BRIP1: variants seen among roughly 807,000 people sequenced by gnomAD.
BRIP1 encodes the protein Fanconi anemia group J protein.
BRIP1 carries 88 observed loss-of-function variants against 119.7 expected under a neutral mutation model. The observed-to-expected ratio is 0.74, with a 90% CI of 0.62 to 0.88. The LOEUF is 0.88. Ranked by LOEUF, BRIP1 falls within the 40% of genes least tolerant of loss-of-function variation. The pLI, the probability that BRIP1 is intolerant of heterozygous loss-of-function variation, is 0.00. For missense variants in BRIP1, 1,259 were observed against 1,455.4 expected (o/e 0.87, Z 2.20); for synonymous variants, 443 against 496.5 (o/e 0.89, Z 1.43).
chr17:61,704,406 G>A lies in BRIP1; in HGVS notation c.2493-10894C>T, dbSNP rs1371710162. On this transcript the variant is annotated intron_variant, in intron 17 of 19. Transcript: ENST00000259008. This position sits in a 1 kb window ranked among gnomAD's most constrained non-coding sequence, Gnocchi z 5.7. The stretch of plus-strand genomic sequence containing the variant: ...AATATTTGCTAGTGAACACAGCTGG[G>A]TGAATTTTTTAGAAGGCTTTTAACT... Among the ~76,000 whole-genome samples the A allele has an allele frequency of 6.6e-6, 1 of 152,082 alleles. No individual in the cohort carries two copies. Among genetic ancestry groups the A allele is most frequent in the Admixed American group, 6.6e-5 (1 of 15,262 alleles).
chr17:61,716,830 G>GTAAATAATAT (rs2061882819), intron 16 of BRIP1, among the ~76,000 whole-genome samples: 3 of 151,154 alleles, frequency 2.0e-5, no homozygotes, highest in African/African-American at 2.4e-5. Context: ...TTCCACTACT[G>GTAAATAATAT]GATTATTAGC....
In BRIP1 at chr17:61,682,895, AGGCAGAGAAG is replaced by A; in HGVS notation, c.*391_*400del. On this transcript the variant is annotated 3_prime_UTR_variant, in exon 20 of 20. Coordinates refer to ENST00000259008, the MANE Select transcript of BRIP1 (RefSeq NM_032043.3). This position sits in a 1 kb window ranked among gnomAD's most constrained non-coding sequence, Gnocchi z 4.9. ...CACCTGTAATCCCAGCAACTTAGGG[AGGCAGAGAAG>A]GGCAGATCACGAGGCCAGGAGTTCG... 1 of 215,614 alleles carries A rather than the reference AGGCAGAGAAG, an allele frequency of 4.6e-6. No individual in the cohort carries two copies. Among genetic ancestry groups the A allele is most frequent in the Non-Finnish European group, 9.4e-6 (1 of 106,862 alleles). 13.4% of individuals were successfully genotyped at this position (215,614 alleles called of 1,614,324 possible).
intron 17 of BRIP1, among the ~76,000 whole-genome samples, chr17:61,696,430 A>G (rs144731270): frequency 9.9e-5 from 15 of 152,060 alleles, no homozygotes; most frequent in African/African-American, 3.4e-4. Context: ...CTCGTAATGT[A>G]TTTTACTTGT....
intron 10 of BRIP1, among the ~76,000 whole-genome samples, chr17:61,788,208 A>G (rs1026390307): frequency 3.9e-5 from 6 of 152,188 alleles, no homozygotes; most frequent in Non-Finnish European, 8.8e-5. Context: ...ACAATTAAAA[A>G]TGTAATTTTA....
At chr17:61,711,964 A>G (rs1276222093) in intron 17 of BRIP1, among the ~76,000 whole-genome samples, 2 of 152,122 alleles carry the variant, frequency 1.3e-5, no homozygotes, top group African/African-American at 4.8e-5. Context: ...TAGTTGTTGT[A>G]GTCTTATGTC....
At position 61,759,581 on chromosome 17, in the gene BRIP1, G is replaced by T. The variant is rs1329857673; in HGVS notation, c.2098-14990C>A. 6.6e-6 allele frequency among the ~76,000 whole-genome samples: 1 copy of T among 151,842 alleles called. No homozygotes were observed. The highest frequency in any genetic ancestry group is 1.5e-5 in the Non-Finnish European group (1 of 67,920). ...AATTTAGACCAAATGGACCTAACAG[G>T]CATTTACAGGCATACCTTGGAGATA... On this transcript the variant is annotated intron_variant, in intron 14 of 19. Transcript: ENST00000259008. The surrounding 1 kb of genome is among the most constrained non-coding windows in gnomAD (Gnocchi z 4.9).
intron 14 of BRIP1, among the ~76,000 whole-genome samples, chr17:61,763,318 G>T (rs2077304850): frequency 6.6e-6 from 1 of 152,100 alleles, no homozygotes; most frequent in African/African-American, 2.4e-5. Context: ...GGGGAAGGTT[G>T]TGCATGTGTC....
At chr17:61,849,293 CTT>C in intron 4 of BRIP1, 37 bp from the exon 5 acceptor site, 1 of 1,579,504 alleles carries the variant, frequency 6.3e-7, no homozygotes, top group Non-Finnish European at 8.6e-7. Context: ...GCATAAATAA[CTT>C]ACAGGTAGGC....
rs1371033435 is a variant in BRIP1 at position 61,789,500 on chromosome 17, A to C, written c.1473+4097T>G. On this transcript the variant is annotated intron_variant, in intron 10 of 19. Coordinates refer to ENST00000259008, the MANE Select transcript of BRIP1 (RefSeq NM_032043.3). This position sits in a 1 kb window ranked among gnomAD's most constrained non-coding sequence, Gnocchi z 4.8. ...TAAATCCCATCCTTTATAAACAATA[A>C]ATACCTTAAAATTTTTAGGAGAAAT... Among the ~76,000 whole-genome samples, 1 of 152,134 alleles carries C rather than the reference A, an allele frequency of 6.6e-6. No homozygotes were observed. The highest frequency in any genetic ancestry group is 1.5e-5 in the Non-Finnish European group (1 of 68,018).
chr17:61,718,870 T>C (rs2061924831), intron 16 of BRIP1, among the ~76,000 whole-genome samples: 1 of 152,220 alleles, frequency 6.6e-6, no homozygotes, highest in Non-Finnish European at 1.5e-5. Flanking sequence ...AGTATTTGCA[T>C]AACCTATGCA....
intron 6 of BRIP1, among the ~76,000 whole-genome samples, chr17:61,826,363 A>G (rs1189353982): frequency 1.3e-5 from 2 of 152,220 alleles, no homozygotes; most frequent in Non-Finnish European, 2.9e-5. Context: ...AGACAACAGA[A>G]GCAATTGCAA....
At chr17:61,836,685 A>G (rs1490323898) in intron 6 of BRIP1, among the ~76,000 whole-genome samples, 1 of 152,244 alleles carries the variant, frequency 6.6e-6, no homozygotes, top group African/African-American at 2.4e-5. Context: ...TAATGAGACA[A>G]ACAAAACAAA....
chr17:61,741,147 G>T (rs2076981717), intron 16 of BRIP1, among the ~76,000 whole-genome samples: 1 of 152,146 alleles, frequency 6.6e-6, no homozygotes, highest in African/African-American at 2.4e-5. Context: ...CCTATCTCAA[G>T]AAACCACTTT....
chr17:61,816,710 C>T lies in BRIP1; in HGVS notation c.628-7953G>A, dbSNP rs147386162. ...AGTCTCAAAGCAGTGATGAGTCACACCGATCAACTTCATGAGAAAAACCCA... is the reference window on the plus strand; with the variant it reads ...AGTCTCAAAGCAGTGATGAGTCACATCGATCAACTTCATGAGAAAAACCCA... On this transcript the variant is annotated intron_variant, in intron 6 of 19. Coordinates refer to ENST00000259008, the MANE Select transcript of BRIP1 (RefSeq NM_032043.3). The surrounding 1 kb of genome is among the most constrained non-coding windows in gnomAD (Gnocchi z 5.0). 9.7e-4 allele frequency among the ~76,000 whole-genome samples: 147 copies of T among 151,840 alleles called. 2 individuals are homozygous for T. The East Asian group carries it at 0.022, about 23-fold the overall frequency.
At position 61,856,499 on chromosome 17, in the gene BRIP1, G is replaced by A. The variant is rs1423293418; in HGVS notation, c.379+559C>T. Among the ~76,000 whole-genome samples the A allele has an allele frequency of 6.6e-6, 1 of 152,074 alleles. No homozygotes were observed. Among genetic ancestry groups the A allele is most frequent in the Non-Finnish European group, 1.5e-5 (1 of 68,002 alleles). ...TCCAGGATGTTCCCTAGGTTTCTTA[G>A]GTAAATAATAGTCTATCCTTTCTAT... is the stretch of plus-strand genomic sequence containing the variant. On this transcript the variant is annotated intron_variant, in intron 4 of 19. Coordinates refer to ENST00000259008, the MANE Select transcript of BRIP1 (RefSeq NM_032043.3). This position sits in a 1 kb window ranked among gnomAD's most constrained non-coding sequence, Gnocchi z 5.1.
In BRIP1 at chr17:61,823,571, CT is replaced by C. The variant is rs2078358018; in HGVS notation, c.628-14815del. 6.6e-6 allele frequency among the ~76,000 whole-genome samples: 1 copy of C among 151,914 alleles called. No individual in the cohort carries two copies. Among genetic ancestry groups the C allele is most frequent in the African/African-American group, 2.4e-5 (1 of 41,358 alleles). ...ATGAAGCACAAAGAAGAAAAAATAG[CT>C]TAAAAAATGAACATATAGTCAGTGA... On this transcript the variant is annotated intron_variant, in intron 6 of 19. Coordinates refer to ENST00000259008, the MANE Select transcript of BRIP1 (RefSeq NM_032043.3). The surrounding 1 kb of genome is among the most constrained non-coding windows in gnomAD (Gnocchi z 4.8).
At chr17:61,712,458 C>A (rs186821845) in intron 17 of BRIP1, among the ~76,000 whole-genome samples, 1 of 152,066 alleles carries the variant, frequency 6.6e-6, no homozygotes, top group Admixed American at 6.5e-5. Flanking sequence ...AGGTGATCCA[C>A]CCGCCTCCAC....
chr17:61,852,713 T>G lies in BRIP1; in HGVS notation c.380-3457A>C, dbSNP rs2145793953. On this transcript the variant is annotated intron_variant, in intron 4 of 19. Coordinates refer to ENST00000259008, the MANE Select transcript of BRIP1 (RefSeq NM_032043.3). This position sits in a 1 kb window ranked among gnomAD's most constrained non-coding sequence, Gnocchi z 4.9. ...ATGGCAAACAACTTGATTAGGCAATTCACTAAAGAGGGTATCCAAATGACC... is the reference window on the plus strand; with the variant it reads ...ATGGCAAACAACTTGATTAGGCAATGCACTAAAGAGGGTATCCAAATGACC... Among the ~76,000 whole-genome samples, 1 of 152,164 alleles carries G rather than the reference T, an allele frequency of 6.6e-6. No homozygotes were observed. Among genetic ancestry groups the G allele is most frequent in the East Asian group, 1.9e-4 (1 of 5,188 alleles).
rs1298096237 is a variant in BRIP1, at chr17:61,809,343, A to C, written c.628-586T>G. Among the ~76,000 whole-genome samples the C allele has an allele frequency of 6.6e-6, 1 of 152,198 alleles. No individual in the cohort carries two copies. Among genetic ancestry groups the C allele is most frequent in the Non-Finnish European group, 1.5e-5 (1 of 68,004 alleles). ...AATATTAATATTTAATAATGAAAGCAGGTTGCTTGTGTGGAACAAGTATAT... is the reference window on the plus strand; with the variant it reads ...AATATTAATATTTAATAATGAAAGCCGGTTGCTTGTGTGGAACAAGTATAT... On this transcript the variant is annotated intron_variant, in intron 6 of 19. Coordinates refer to ENST00000259008, the MANE Select transcript of BRIP1 (RefSeq NM_032043.3). This position sits in a 1 kb window ranked among gnomAD's most constrained non-coding sequence, Gnocchi z 5.2.
Sources: allele counts gnomAD v4.1 joint callset (sites outside exome capture counted in the v4.1 genomes callset), GRCh38; gene constraint gnomAD v4.1.1; non-coding constraint Gnocchi (gnomAD v3.1); transcripts MANE v1.5; gene names NCBI Gene and HGNC (gene_info 2026-07-23, HGNC 2026-07-21).